SLC11A1: variants seen among roughly 807,000 people sequenced by gnomAD.
SLC11A1 encodes the protein natural resistance-associated macrophage protein 1.
SLC11A1 carries 59 observed loss-of-function variants against 63.2 expected under a neutral mutation model. That is an observed-to-expected ratio of 0.93 (90% CI 0.76 to 1.16). The LOEUF (loss-of-function observed/expected upper bound fraction) is 1.16, where lower values mean the gene tolerates loss of function less well. Ranked by LOEUF, SLC11A1 falls within the 50% of genes most tolerant of loss-of-function variation. The pLI, the probability that SLC11A1 is intolerant of heterozygous loss-of-function variation, is 0.00. For synonymous variants in SLC11A1, 305 were observed against 307.8 expected, an observed-to-expected ratio of 0.99 and a Z score of 0.09; for missense variants, 688 against 730.7, an observed-to-expected ratio of 0.94 and a Z score of 0.67.
chr2:218,394,554 C>A, intron 13 of SLC11A1, 78 bp from the exon 14 acceptor site: 1 of 1,486,062 alleles, frequency 6.7e-7, no homozygotes, highest in Non-Finnish European at 9.2e-7. Flanking sequence ...CCAGTGTGGG[C>A]GCTGGGAGAT....
intron 4 of SLC11A1, among the ~76,000 whole-genome samples, chr2:218,386,195 G>A (rs1442396029): frequency 1.3e-5 from 2 of 152,228 alleles, no homozygotes; most frequent in Non-Finnish European, 2.9e-5. Flanking sequence ...GCTCACGCCT[G>A]TAATCCCAGC....
Position 218,384,347 on chromosome 2 carries a change from C to G in SLC11A1, c.255C>G (p.Gly85=). The G allele has an allele frequency of 6.2e-7, 1 of 1,604,196 alleles. No individual in the cohort carries two copies. The highest frequency in any genetic ancestry group is 8.5e-7 in the Non-Finnish European group (1 of 1,173,080). Residue 85 remains glycine (G), a synonymous_variant, in exon 3 of 15, where the codon GGC becomes GGG. Coordinates refer to ENST00000233202, the MANE Select transcript of SLC11A1 (RefSeq NM_000578.4). The surrounding 1 kb of genome is among the most constrained non-coding windows in gnomAD (Gnocchi z 4.0). ...PGNIESDLQA[G]AVAGFKLLWV... ...ACATCGAGTCAGATCTTCAGGCTGG[C>G]GCCGTGGCGGGATTCAAAGTAACTA...
chr2:218,385,474 T>C (rs1301734325), intron 4 of SLC11A1: 3 of 623,794 alleles, frequency 4.8e-6, no homozygotes, highest in South Asian at 1.5e-5. Flanking sequence ...CACTGCAACC[T>C]CTACCTCCCA....
At chr2:218,387,543 G>A (rs760890481) in intron 6 of SLC11A1, 22 bp from the exon 7 acceptor site, 7 of 1,612,396 alleles carry the variant, frequency 4.3e-6, no homozygotes, top group South Asian at 2.2e-5. Flanking sequence ...GGTTTGTTTA[G>A]TTTGTTTGTT....
rs374719609 is a variant in SLC11A1, at chr2:218,389,865, C to T, written c.796-5C>T. ...GGCACTTCCCTCTCCCTTTGATCTT[C>T]GTAGTCTCGAGAGATAGACCGGGCC... is the stretch of plus-strand genomic sequence containing the variant. On this transcript the variant is annotated splice_region_variant and splice_polypyrimidine_tract_variant and intron_variant, in intron 8 of 14. Coordinates refer to ENST00000233202, the MANE Select transcript of SLC11A1 (RefSeq NM_000578.4). 1.3e-5 allele frequency: 21 copies of T among 1,604,408 alleles called. No individual in the cohort carries two copies. The Admixed American group carries it at 1.9e-4, about 14-fold the overall frequency.
At position 218,384,431 on chromosome 2, in the gene SLC11A1, G is replaced by T. The variant is rs1282784529; in HGVS notation, c.273+66G>T. On this transcript the variant is annotated intron_variant, in intron 3 of 14. Transcript: ENST00000233202. This position sits in a 1 kb window ranked among gnomAD's most constrained non-coding sequence, Gnocchi z 4.0. ...GAGGTGACCAGGCTAAGTGTTGAAG[G>T]CCCCTGCTGGCCATGTTTCTCCAAT... 112 of 1,521,754 alleles carry T rather than the reference G, an allele frequency of 7.4e-5. No homozygotes were observed. Among genetic ancestry groups the T allele is most frequent in the Non-Finnish European group, 9.6e-5 (108 of 1,120,188 alleles). 94.3% of individuals were successfully genotyped at this position (1,521,754 alleles called of 1,614,324 possible).
chr2:218,389,651 A>G (rs1413453590), intron 8 of SLC11A1, among the ~76,000 whole-genome samples: 1 of 152,220 alleles, frequency 6.6e-6, no homozygotes, highest in Non-Finnish European at 1.5e-5. Flanking sequence ...CTCAAAGGCC[A>G]GCCTTGCTTC....
Position 218,391,384 on chromosome 2 carries a change from C to T in SLC11A1, c.1053C>T (p.Ile351=), listed in dbSNP as rs1559122670. The part of the protein sequence containing the change: ...VAVDIYQGGV[I]LGCLFGPAAL... ...CACACTCGTCCCTGCAGGGCGTGAT[C>T]CTGGGCTGCCTGTTCGGCCCCGCGG... Residue 351 remains isoleucine (I), a synonymous_variant, in exon 11 of 15, where the codon ATC becomes ATT. Coordinates refer to ENST00000233202, the MANE Select transcript of SLC11A1 (RefSeq NM_000578.4). 5 of 1,613,990 alleles carry T rather than the reference C, an allele frequency of 3.1e-6. No individual in the cohort carries two copies. Among genetic ancestry groups the T allele is most frequent in the Non-Finnish European group, 4.2e-6 (5 of 1,179,938 alleles).
chr2:218,392,696 C>T (rs1336295512), intron 11 of SLC11A1: 3 of 352,548 alleles, frequency 8.5e-6, no homozygotes, highest in African/African-American at 6.4e-5. Context: ...GATGAGAAAA[C>T]AGATCCTGAC....
chr2:218,382,979 G>T lies in SLC11A1; in HGVS notation c.27G>T (p.Arg9Ser). 6.2e-7 allele frequency: 1 copy of T among 1,614,046 alleles called. No homozygotes were observed. Among genetic ancestry groups the T allele is most frequent in the Non-Finnish European group, 8.5e-7 (1 of 1,180,004 alleles). The change falls in exon 2 of 15, where the codon AGG (arginine) becomes AGT (serine). Residue 9 changes from arginine (R) to serine (S), a missense_variant. Transcript: ENST00000233202. MTGDKGPQRLSGSSYGSIS... is the reference protein window; with the variant it reads MTGDKGPQSLSGSSYGSIS... ...CCACAGGTGACAAGGGTCCCCAAAG[G>T]CTAAGCGGGTCCAGCTATGGTTCCA...
Position 218,396,868 on chromosome 2 carries a change from C to T in SLC11A1, c.*1833C>T, listed in dbSNP as rs1036879910. ...CAAGTTGGGGAGGGCGGCAAAGTCC[C>T]GAATTAAAGATGTCAGTTCTCAAGG... On this transcript the variant is annotated 3_prime_UTR_variant, in exon 15 of 15. Coordinates refer to ENST00000233202, the MANE Select transcript of SLC11A1 (RefSeq NM_000578.4). 6.6e-6 allele frequency: 1 copy of T among 152,498 alleles called. No homozygotes were observed. The highest frequency in any genetic ancestry group is 1.5e-5 in the Non-Finnish European group (1 of 68,220). The allele number at this position is 152,498 out of a possible 1,614,324, so 9.4% of individuals were successfully genotyped here.
intron 8 of SLC11A1, chr2:218,388,238 C>G (rs550267548): frequency 1.1e-5 from 4 of 370,388 alleles, no homozygotes; most frequent in Non-Finnish European, 4.9e-6. Context: ...CGTGGTGGCG[C>G]GCGCCTGTAG....
At position 218,394,803 on chromosome 2, in the gene SLC11A1, G is replaced by A. The variant is rs376793866; in HGVS notation, c.1542+18G>A. 1.9e-5 allele frequency: 31 copies of A among 1,610,604 alleles called. No homozygotes were observed. The highest frequency in any genetic ancestry group is 2.5e-5 in the Non-Finnish European group (30 of 1,179,894). Reference sequence around the variant, plus strand: ...CCTACCTGGTACAGTAGGGCCAGGGGATGCCTTGGGAATGGATGAGGGAAG... The same window carrying A: ...CCTACCTGGTACAGTAGGGCCAGGGAATGCCTTGGGAATGGATGAGGGAAG... On this transcript the variant is annotated intron_variant, in intron 14 of 14. Coordinates refer to ENST00000233202, the MANE Select transcript of SLC11A1 (RefSeq NM_000578.4).
chr2:218,392,936 C>T (rs761942057), intron 11 of SLC11A1, 45 bp from the exon 12 acceptor site: 17 of 1,496,658 alleles, frequency 1.1e-5, no homozygotes, highest in Non-Finnish European at 1.5e-5. Flanking sequence ...CTCTGGAATC[C>T]CCAGTCCTGT....
chr2:218,386,815 C>G (rs1466649320), intron 5 of SLC11A1, 74 bp downstream of exon 5: 31 of 1,095,050 alleles, frequency 2.8e-5, no homozygotes, highest in Admixed American at 1.7e-4. Context: ...CCTAACCAGT[C>G]CCTCCCAGAG....
chr2:218,382,604 G>A (rs528749746), intron 1 of SLC11A1, among the ~76,000 whole-genome samples: 4 of 152,306 alleles, frequency 2.6e-5, no homozygotes, highest in African/African-American at 9.6e-5. Context: ...TGAAGTCCGT[G>A]GATCAAAGCC....
At chr2:218,392,908 G>A (rs889177684) in intron 11 of SLC11A1, 73 bp from the exon 12 acceptor site, 2 of 1,254,588 alleles carry the variant, frequency 1.6e-6, no homozygotes, top group Admixed American at 2.6e-5. Context: ...TCGGTTGAGG[G>A]ACTACAGAGG....
chr2:218,392,082 T>C, intron 11 of SLC11A1: 1 of 405,704 alleles, frequency 2.5e-6, no homozygotes. Context: ...TCTTTCCTTT[T>C]TTTTGAGACG....
At chr2:218,389,085 A>G (rs1466158308) in intron 8 of SLC11A1, among the ~76,000 whole-genome samples, 2 of 151,042 alleles carry the variant, frequency 1.3e-5, no homozygotes, top group South Asian at 2.1e-4. Flanking sequence ...ACTCTCAGTG[A>G]CACAGTGAGA....
Sources: allele counts gnomAD v4.1 joint callset (sites outside exome capture counted in the v4.1 genomes callset), GRCh38; gene constraint gnomAD v4.1.1; non-coding constraint Gnocchi (gnomAD v3.1); transcripts MANE v1.5; gene names NCBI Gene and HGNC (gene_info 2026-07-23, HGNC 2026-07-21).